The following ZNF280D variants were observed in gnomAD, a reference collection of about 807,000 sequenced individuals.
The protein encoded by ZNF280D is suppressor of hairy wing homolog 4.
ZNF280D carries 39 observed loss-of-function variants against 94.7 expected under a neutral mutation model. The ratio of observed to expected loss-of-function variants is 0.41; its 90% CI spans 0.32 to 0.54. ZNF280D has a LOEUF of 0.54. ZNF280D is among the 20% of genes least tolerant of loss of function. The pLI is 0.22. For missense variants in ZNF280D, 1,090 were observed against 1,149.3 expected (o/e 0.95, Z 0.75); for synonymous variants, 398 against 377.6 (o/e 1.05, Z -0.63).
At chr15:56,665,703 C>CAAAAAAA (rs71113013) in intron 16 of ZNF280D, among the ~76,000 whole-genome samples, 39,749 of 84,706 alleles carry the variant, frequency 0.47, 9,394 homozygotes, top group Non-Finnish European at 0.57. Context: ...GACTCCGTCT[C>CAAAAAAA]AAAAAAAAAA....
chr15:56,718,054 T>C (rs2058140846), intron 1 of ZNF280D, among the ~76,000 whole-genome samples: 1 of 152,120 alleles, frequency 6.6e-6, no homozygotes, highest in Non-Finnish European at 1.5e-5. Flanking sequence ...TATTTCCTTC[T>C]AGTGGAGGTA....
Position 56,688,445 on chromosome 15 carries a change from C to A in ZNF280D, c.780+596G>T, listed in dbSNP as rs1233048990. On this transcript the variant is annotated intron_variant, in intron 9 of 21. Transcript: ENST00000267807. ...GGTGGAGCTTGCAGTCCCCAGAGAT[C>A]TGCCACTGCACTCCAGCATGGGTGA... Among the ~76,000 whole-genome samples, 9 of 142,902 alleles carry A rather than the reference C, an allele frequency of 6.3e-5. No homozygotes were observed. The Admixed American group carries it at 6.7e-4, about 11-fold the overall frequency. The allele number at this position is 142,902 out of a possible 152,430, so 93.7% of individuals were successfully genotyped here. A position where few individuals can be genotyped will look rare whatever the true frequency, so the allele number is the denominator to read the frequency against.
In ZNF280D at chr15:56,682,254, C is replaced by A; in HGVS notation, c.1004G>T (p.Arg335Met). 6.5e-7 allele frequency: 1 copy of A among 1,540,116 alleles called. No homozygotes were observed. The highest frequency in any genetic ancestry group is 8.7e-7 in the Non-Finnish European group (1 of 1,145,176). ...GAAATAAAAACAAGTATTTACATAC[C>A]TAATGTTATTTTTTAGAATTTTCAA... ...SCLKILKNNI[R>M]FMNHMKHHLE... is the part of the protein sequence containing the mutation. Residue 335 changes from arginine (R) to methionine (M), a missense_variant and splice_region_variant, in exon 10 of 22, where the codon AGG becomes ATG. Transcript: ENST00000267807.
Position 56,676,731 on chromosome 15 carries a change from G to T in ZNF280D, c.1349C>A (p.Pro450Gln). The change falls in exon 13 of 22, where the codon CCG becomes CAG. Residue 450 changes from proline (P) to glutamine (Q), a missense_variant. Physicochemically the swap from Pro to Gln is moderately conservative, Grantham distance 76 (BLOSUM62 -1). Transcript: ENST00000267807. ...AATTTTAATAACTTTGAGGCAAAACGGGCATAGCAAGTTCTTAGTGTTTTC... is the reference window on the plus strand; with the variant it reads ...AATTTTAATAACTTTGAGGCAAAACTGGCATAGCAAGTTCTTAGTGTTTTC... ...SHENTKNLLC[P>Q]FCLKVIKIAT... is the part of the protein sequence containing the mutation. The T allele has an allele frequency of 1.2e-6, 2 of 1,612,070 alleles. No individual in the cohort carries two copies. Among genetic ancestry groups the T allele is most frequent in the Non-Finnish European group, 1.7e-6 (2 of 1,178,768 alleles).
chr15:56,665,332 A>G (rs1453116693), intron 16 of ZNF280D, among the ~76,000 whole-genome samples: 1 of 152,214 alleles, frequency 6.6e-6, no homozygotes, highest in Non-Finnish European at 1.5e-5. Flanking sequence ...GTTTATATCT[A>G]AACAACTTTT....
intron 1 of ZNF280D, among the ~76,000 whole-genome samples, chr15:56,724,435 T>C (rs756235456): frequency 2.6e-5 from 4 of 152,236 alleles, no homozygotes; most frequent in African/African-American, 7.2e-5. Flanking sequence ...GCAACACTTC[T>C]AACAGTTGTT....
At chr15:56,694,334 CACACAA>C (rs1367730171) in intron 6 of ZNF280D, among the ~76,000 whole-genome samples, 3 of 146,332 alleles carry the variant, frequency 2.1e-5, no homozygotes, top group Non-Finnish European at 3.0e-5. Context: ...CACACACACA[CACACAA>C]GTATACTCCA....
intron 1 of ZNF280D, among the ~76,000 whole-genome samples, chr15:56,711,356 A>C (rs1424004056): frequency 6.6e-6 from 1 of 152,196 alleles, no homozygotes; most frequent in Non-Finnish European, 1.5e-5. Context: ...TTTAACTCTG[A>C]GATAAATCCC....
chr15:56,666,198 T>C (rs1201413750), intron 16 of ZNF280D, among the ~76,000 whole-genome samples, 197 bp downstream of exon 16: 2 of 152,190 alleles, frequency 1.3e-5, no homozygotes, highest in Admixed American at 6.5e-5. Context: ...TAATTTTTCT[T>C]ACAATTTTAG....
At chr15:56,681,976 C>T (rs1254723487) in intron 10 of ZNF280D, among the ~76,000 whole-genome samples, 3 of 151,886 alleles carry the variant, frequency 2.0e-5, no homozygotes, top group Admixed American at 6.6e-5. Context: ...TCAAAAATCA[C>T]GACTAAAACA....
At chr15:56,677,081 TCTTGA>T (rs1236539916) in intron 12 of ZNF280D, among the ~76,000 whole-genome samples, 1 of 152,166 alleles carries the variant, frequency 6.6e-6, no homozygotes, top group African/African-American at 2.4e-5. Context: ...TCACCTTCTG[TCTTGA>T]CTTGAAGTTT....
intron 9 of ZNF280D, among the ~76,000 whole-genome samples, chr15:56,685,084 C>T (rs896619476): frequency 2.0e-5 from 3 of 152,080 alleles, no homozygotes; most frequent in African/African-American, 7.2e-5. Flanking sequence ...GGGAGCTATA[C>T]CAACAAAATC....
At chr15:56,633,240 T>C (rs2052178806) in intron 21 of ZNF280D, among the ~76,000 whole-genome samples, 1 of 152,192 alleles carries the variant, frequency 6.6e-6, no homozygotes, top group South Asian at 2.1e-4. Context: ...TTTACTAAAT[T>C]ACTATTTATA....
chr15:56,700,784 C>A, intron 6 of ZNF280D, 149 bp downstream of exon 6: 2 of 1,534,016 alleles, frequency 1.3e-6, no homozygotes, highest in Non-Finnish European at 1.8e-6. Context: ...CTTGAGCTAG[C>A]GAAAATATGG....
At chr15:56,696,320 T>G (rs934368888) in intron 6 of ZNF280D, among the ~76,000 whole-genome samples, 5 of 152,214 alleles carry the variant, frequency 3.3e-5, no homozygotes, top group Non-Finnish European at 5.9e-5. Context: ...TTGTTTGTTT[T>G]AAACGTACTT....
chr15:56,655,268 C>T (rs926964086), intron 17 of ZNF280D, among the ~76,000 whole-genome samples: 24 of 152,174 alleles, frequency 1.6e-4, no homozygotes, highest in Admixed American at 1.2e-3. Context: ...AGTGCAGTGG[C>T]GTGATCTCAG....
At chr15:56,668,177 G>A in intron 14 of ZNF280D, 1 of 454,686 alleles carries the variant, frequency 2.2e-6, no homozygotes, top group Non-Finnish European at 4.4e-6. Flanking sequence ...ATGTTTTGGG[G>A]ATTATTCACT....
intron 4 of ZNF280D, among the ~76,000 whole-genome samples, 193 bp downstream of exon 4, chr15:56,703,928 T>TCACC (rs2057243866): frequency 6.6e-6 from 1 of 152,112 alleles, no homozygotes. Flanking sequence ...ACCTCCAGGG[T>TCACC]CACCAGCTAA....
At chr15:56,720,978 G>C (rs981265378) in intron 1 of ZNF280D, among the ~76,000 whole-genome samples, 8 of 112,440 alleles carry the variant, frequency 7.1e-5, no homozygotes, top group African/African-American at 2.6e-4. Flanking sequence ...TTTGGGGGGG[G>C]GGGGGACAGA....
Sources: allele counts gnomAD v4.1 joint callset (sites outside exome capture counted in the v4.1 genomes callset), GRCh38; gene constraint gnomAD v4.1.1; transcripts MANE v1.5; gene names NCBI Gene and HGNC (gene_info 2026-07-23, HGNC 2026-07-21).